The following KCND2 variants were observed in gnomAD, a reference collection of about 807,000 sequenced individuals.
KCND2 encodes the protein potassium voltage-gated channel subfamily D member 2.
Under a neutral mutation model 54.4 loss-of-function variants are expected in KCND2, and 16 were observed. The ratio of observed to expected loss-of-function variants is 0.29; its 90% CI spans 0.20 to 0.45. The LOEUF (loss-of-function observed/expected upper bound fraction) is 0.45, where lower values mean the gene tolerates loss of function less well. Among genes scored for constraint, KCND2 ranks in the 20% least tolerant of loss-of-function variants. KCND2 has a pLI of 1.00. For missense variants in KCND2, 486 were observed against 824.2 expected, an observed-to-expected ratio of 0.59 and a Z score of 5.02; for synonymous variants, 317 against 310.7, an observed-to-expected ratio of 1.02 and a Z score of -0.21.
chr7:120,287,336 A>G (rs966095260), intron 1 of KCND2, among the ~76,000 whole-genome samples: 22 of 152,250 alleles, frequency 1.4e-4, no homozygotes, highest in African/African-American at 4.3e-4. Context: ...GTTTCTTAAT[A>G]TAGACTGAGG....
chr7:120,677,548 G>GATATATAT (rs754799759), intron 1 of KCND2, among the ~76,000 whole-genome samples: 1 of 122,702 alleles, frequency 8.1e-6, no homozygotes, highest in Non-Finnish European at 1.7e-5. Flanking sequence ...TATAGATATA[G>GATATATAT]ATATATAGAT....
chr7:120,384,749 A>G (rs1035197330), intron 1 of KCND2, among the ~76,000 whole-genome samples: 1 of 152,140 alleles, frequency 6.6e-6, no homozygotes, highest in African/African-American at 2.4e-5. Context: ...AAAATCCAGA[A>G]CTAGCTCATA....
rs2116242517 is a variant in KCND2 at position 120,274,905 on chromosome 7, C to T, written c.273C>T (p.Ile91=). 6.2e-7 allele frequency: 1 copy of T among 1,614,158 alleles called. No homozygotes were observed. Among genetic ancestry groups the T allele is most frequent in the African/African-American group, 1.3e-5 (1 of 75,050 alleles). ...ATTTCTTTGACCGTGACCCAGACAT[C>T]TTCCGCCACATCCTGAATTTCTACC... ...QQYFFDRDPD[I]FRHILNFYRT... is the part of the protein sequence containing the mutation. The change falls in exon 1 of 6, where the codon ATC becomes ATT. Residue 91 remains isoleucine, a synonymous_variant. Transcript: ENST00000331113.
At chr7:120,310,644 G>A (rs993135538) in intron 1 of KCND2, among the ~76,000 whole-genome samples, 5 of 152,016 alleles carry the variant, frequency 3.3e-5, no homozygotes, top group Admixed American at 6.6e-5. Context: ...TAGACTGGTC[G>A]TGGTGGCTCA....
chr7:120,442,081 CAG>C (rs1801953142), intron 1 of KCND2, among the ~76,000 whole-genome samples: 3 of 152,110 alleles, frequency 2.0e-5, no homozygotes, highest in Non-Finnish European at 4.4e-5. Flanking sequence ...ACAACTCTTG[CAG>C]AGTCTACAGA....
chr7:120,480,294 A>C (rs1228343870), intron 1 of KCND2, among the ~76,000 whole-genome samples: 1 of 152,168 alleles, frequency 6.6e-6, no homozygotes, highest in African/African-American at 2.4e-5. Context: ...TAGAGGAAAT[A>C]TGTAAGCCAT....
chr7:120,733,119 G>A, intron 2 of KCND2, 54 bp downstream of exon 2: 2 of 1,580,300 alleles, frequency 1.3e-6, no homozygotes, highest in Non-Finnish European at 1.7e-6. Flanking sequence ...TTTTTATAAT[G>A]AGCTTTAAAA....
intron 1 of KCND2, among the ~76,000 whole-genome samples, chr7:120,698,022 C>CTTTTTTTT (rs35589294): frequency 7.1e-4 from 61 of 85,592 alleles, no homozygotes; most frequent in South Asian, 8.8e-4. Context: ...TAGATTTGCC[C>CTTTTTTTT]TTTTTTTTTT....
At chr7:120,404,799 GCTC>G (rs1801326820) in intron 1 of KCND2, among the ~76,000 whole-genome samples, 1 of 149,208 alleles carries the variant, frequency 6.7e-6, no homozygotes. Flanking sequence ...GTCTTTTGTA[GCTC>G]CTCCTCCTTC....
chr7:120,569,442 A>G (rs1792336513), intron 1 of KCND2, among the ~76,000 whole-genome samples: 1 of 152,158 alleles, frequency 6.6e-6, no homozygotes, highest in East Asian at 1.9e-4. Context: ...AGGATTTTAT[A>G]TTGGTACAAG....
intron 1 of KCND2, among the ~76,000 whole-genome samples, chr7:120,681,147 A>G (rs957215079): frequency 6.6e-6 from 1 of 152,082 alleles, no homozygotes; most frequent in Non-Finnish European, 1.5e-5. Context: ...TTTGGCTGGG[A>G]TGCGTAGTCC....
Position 120,274,581 on chromosome 7 carries a change from G to A in KCND2, c.-52G>A. On this transcript the variant is annotated 5_prime_UTR_variant, in exon 1 of 6. It adds an upstream start codon to the 5' untranslated region. Coordinates refer to ENST00000331113, the MANE Select transcript of KCND2 (RefSeq NM_012281.3). ...AAGTGGGTGACTTTTGGCTGCTTCG[G>A]TGACCCATTGTAGACGCCTCGTTAC... The A allele has an allele frequency of 6.2e-7, 1 of 1,612,254 alleles. No homozygotes were observed. Among genetic ancestry groups the A allele is most frequent in the Non-Finnish European group, 8.5e-7 (1 of 1,178,570 alleles).
intron 1 of KCND2, among the ~76,000 whole-genome samples, chr7:120,682,813 C>T (rs189604721): frequency 1.3e-5 from 2 of 152,142 alleles, no homozygotes. Flanking sequence ...TGAAGTTAGG[C>T]AGTTTCATGG....
rs1417852990 is a variant in KCND2, at chr7:120,741,576, G to A, written c.1321G>A (p.Ala441Thr). ...ARIRAAKSGS[A>T]NAYMQSKRNG... ...GATCCGGGCAGCCAAAAGCGGAAGC[G>A]CAAATGCTTACATGCAGAGCAAACG... is the stretch of plus-strand genomic sequence containing the variant. Residue 441 changes from alanine (A) to threonine (T), a missense_variant, in exon 3 of 6, where the codon GCA becomes ACA. Transcript: ENST00000331113. 19 of 1,613,258 alleles carry A rather than the reference G, an allele frequency of 1.2e-5. No homozygotes were observed. Among genetic ancestry groups the A allele is most frequent in the East Asian group, 2.2e-5 (1 of 44,828 alleles).
intron 1 of KCND2, among the ~76,000 whole-genome samples, chr7:120,646,862 T>C (rs1398444963): frequency 3.9e-5 from 6 of 152,232 alleles, no homozygotes; most frequent in Non-Finnish European, 8.8e-5. Flanking sequence ...CACTTTGGTT[T>C]TTAAATCTTC....
At chr7:120,390,305 A>C (rs919010683) in intron 1 of KCND2, among the ~76,000 whole-genome samples, 28 of 151,960 alleles carry the variant, frequency 1.8e-4, no homozygotes, top group Non-Finnish European at 3.1e-4. Flanking sequence ...TTCAAAAATA[A>C]TATATTCTTT....
chr7:120,365,031 G>A (rs985054387), intron 1 of KCND2, among the ~76,000 whole-genome samples: 2 of 151,962 alleles, frequency 1.3e-5, no homozygotes, highest in African/African-American at 4.8e-5. Flanking sequence ...TTGTAGACAG[G>A]TATAAACATG....
intron 1 of KCND2, among the ~76,000 whole-genome samples, chr7:120,472,310 A>G (rs1802468819): frequency 6.6e-6 from 1 of 151,960 alleles, no homozygotes; most frequent in South Asian, 2.1e-4. Context: ...GATTCTTGCT[A>G]AAAAGAAAAT....
intron 1 of KCND2, among the ~76,000 whole-genome samples, chr7:120,614,647 A>G (rs1036734790): frequency 6.6e-6 from 1 of 152,228 alleles, no homozygotes; most frequent in Non-Finnish European, 1.5e-5. Context: ...ATGAAACTTC[A>G]TTTACTAACC....
Sources: gnomAD v4.1 joint callset for allele counts (sites outside exome capture counted in the v4.1 genomes callset) on GRCh38, gnomAD v4.1.1 for gene constraint, MANE v1.5 for transcripts, NCBI Gene and HGNC (gene_info 2026-07-23, HGNC 2026-07-21) for gene names.